The following SUMO2 variants were observed in gnomAD, a reference collection of about 807,000 sequenced individuals.
The protein encoded by SUMO2 is small ubiquitin like modifier 2.
In SUMO2, 1 loss-of-function variant was observed where a neutral mutation model predicts 16.0. That is an observed-to-expected ratio of 0.06 (90% CI 0.02 to 0.30). SUMO2 has a LOEUF of 0.30. Among genes scored for constraint, SUMO2 ranks in the 10% least tolerant of loss-of-function variants. The pLI, the probability that SUMO2 is intolerant of heterozygous loss-of-function variation, is 1.00. For missense variants in SUMO2, 16 were observed against 117.5 expected (o/e 0.14, Z 3.99); for synonymous variants, 36 against 40.6 (o/e 0.89, Z 0.43).
At chr17:75,171,458 G>A (rs965728917) in intron 3 of SUMO2, among the ~76,000 whole-genome samples, 4 of 151,834 alleles carry the variant, frequency 2.6e-5, no homozygotes, top group African/African-American at 7.3e-5. Context: ...AGGTTGCAGT[G>A]AGCTGAGATC....
At chr17:75,176,809 T>C (rs1388919781) in intron 2 of SUMO2, among the ~76,000 whole-genome samples, 1 of 152,188 alleles carries the variant, frequency 6.6e-6, no homozygotes, top group African/African-American at 2.4e-5. Flanking sequence ...TTACACAGTC[T>C]ATCCCTTGCA....
At chr17:75,179,485 A>C (rs2074809739) in intron 2 of SUMO2, among the ~76,000 whole-genome samples, 1 of 149,666 alleles carries the variant, frequency 6.7e-6, no homozygotes, top group African/African-American at 2.5e-5. Flanking sequence ...TCGAGATTGC[A>C]CTACTGCACT....
intron 3 of SUMO2, among the ~76,000 whole-genome samples, chr17:75,173,297 G>C (rs942595291): frequency 1.3e-5 from 2 of 151,866 alleles, no homozygotes; most frequent in Non-Finnish European, 2.9e-5. Context: ...CAAGAAGCTG[G>C]GACTACAGAC....
chr17:75,171,509 G>A (rs1351335398), intron 3 of SUMO2, among the ~76,000 whole-genome samples: 3 of 151,346 alleles, frequency 2.0e-5, no homozygotes, highest in Admixed American at 6.6e-5. Flanking sequence ...GCAAAACTCC[G>A]TCTCGAAAAA....
At chr17:75,180,416 A>AAC (rs1555655477) in intron 2 of SUMO2, among the ~76,000 whole-genome samples, 3 of 146,554 alleles carry the variant, frequency 2.0e-5, no homozygotes, top group Non-Finnish European at 3.0e-5. Context: ...AAAAAAAAAA[A>AAC]AAAAACGACT....
rs1041825003 is a variant in SUMO2 at position 75,167,944 on chromosome 17, G to T, written c.*395C>A. On this transcript the variant is annotated 3_prime_UTR_variant, in exon 4 of 4. Coordinates refer to ENST00000420826, the MANE Select transcript of SUMO2 (RefSeq NM_006937.4). ...TTCTCCAATTGAACAAGGTATGCAA[G>T]GATTTTTATGTTGTTGTTTTTTTTT... 1.2e-5 allele frequency: 2 copies of T among 161,356 alleles called. No individual in the cohort carries two copies. The highest frequency in any genetic ancestry group is 4.8e-5 in the African/African-American group (2 of 41,542). The allele number at this position is 161,356 out of a possible 1,614,324, so 10.0% of individuals were successfully genotyped here.
chr17:75,178,887 G>A (rs548181624), intron 2 of SUMO2, among the ~76,000 whole-genome samples: 53 of 150,716 alleles, frequency 3.5e-4, no homozygotes, highest in Admixed American at 2.3e-3. Context: ...ACTGGAAGGC[G>A]GAGGATGCAG....
chr17:75,174,513 CAG>C (rs776163680), intron 3 of SUMO2, among the ~76,000 whole-genome samples: 17 of 152,274 alleles, frequency 1.1e-4, no homozygotes, highest in Middle Eastern at 3.4e-3. Context: ...ACCCGGGCAA[CAG>C]AGAGGCCCTG....
chr17:75,167,120 C>G lies in SUMO2; in HGVS notation c.*1219G>C, dbSNP rs1403305076. ...ATCACCTAAGGTCAGGAGTTCGAGA[C>G]CAGCCTGGCATACGTGATAAAACCC... On this transcript the variant is annotated 3_prime_UTR_variant, in exon 4 of 4. Coordinates refer to ENST00000420826, the MANE Select transcript of SUMO2 (RefSeq NM_006937.4). 2 of 147,460 alleles carry G rather than the reference C, an allele frequency of 1.4e-5. No homozygotes were observed. Among genetic ancestry groups the G allele is most frequent in the Non-Finnish European group, 3.0e-5 (2 of 67,198 alleles). 9.1% of individuals were successfully genotyped at this position (147,460 alleles called of 1,614,324 possible). A position where few individuals can be genotyped will look rare whatever the true frequency, so the allele number is the denominator to read the frequency against.
chr17:75,174,517 G>C (rs189432066), intron 3 of SUMO2, among the ~76,000 whole-genome samples: 136 of 152,274 alleles, frequency 8.9e-4, no homozygotes, highest in Non-Finnish European at 1.6e-3. Flanking sequence ...GGGCAACAGA[G>C]AGGCCCTGTC....
intron 2 of SUMO2, among the ~76,000 whole-genome samples, chr17:75,178,839 C>T (rs2145225124): frequency 6.6e-6 from 1 of 152,052 alleles, no homozygotes; most frequent in African/African-American, 2.4e-5. Context: ...CCTGTAATCC[C>T]AGTGACTTGG....
chr17:75,182,650 G>C (rs2074838775), intron 1 of SUMO2, 164 bp downstream of exon 1: 2 of 450,780 alleles, frequency 4.4e-6, no homozygotes, highest in East Asian at 4.7e-5. Context: ...GGGAGGAAGA[G>C]AGGGAGGGAG....
At chr17:75,170,837 G>T (rs1395844944) in intron 3 of SUMO2, among the ~76,000 whole-genome samples, 1 of 141,188 alleles carries the variant, frequency 7.1e-6, no homozygotes. Flanking sequence ...GTGACAGTGC[G>T]AGACTCCAGG....
Position 75,177,988 on chromosome 17 carries a change from C to CAAAAAAAAAA in SUMO2, c.153+3059_153+3068dup, listed in dbSNP as rs59613076. Among the ~76,000 whole-genome samples the CAAAAAAAAAA allele has an allele frequency of 4.1e-3, 273 of 66,400 alleles. 22 individuals are homozygous for CAAAAAAAAAA. The highest frequency in any genetic ancestry group is 0.018 in the African/African-American group (260 of 14,786). The allele number at this position is 66,400 out of a possible 152,430, so 43.6% of individuals were successfully genotyped here. ...TGACCGACAAAGCGAGACTCCGTCT[C>CAAAAAAAAAA]AAAAAAAAAAAAAAAAAAAAAAAGA... On this transcript the variant is annotated intron_variant, in intron 2 of 3. Coordinates refer to ENST00000420826, the MANE Select transcript of SUMO2 (RefSeq NM_006937.4).
At position 75,167,527 on chromosome 17, in the gene SUMO2, A is replaced by G. The variant is rs545357585; in HGVS notation, c.*812T>C. ...CCAATTTTTCTGCTAGTATACTTGC[A>G]TATTAACATGGGACCTAGAGAAACT... On this transcript the variant is annotated 3_prime_UTR_variant, in exon 4 of 4. Coordinates refer to ENST00000420826, the MANE Select transcript of SUMO2 (RefSeq NM_006937.4). The G allele has an allele frequency of 3.9e-4, 59 of 152,278 alleles. No individual in the cohort carries two copies. Among genetic ancestry groups the G allele is most frequent in the African/African-American group, 1.4e-3 (59 of 41,588 alleles). 9.4% of individuals were successfully genotyped at this position (152,278 alleles called of 1,614,324 possible).
rs533666393 is a variant in SUMO2 at position 75,168,173 on chromosome 17, T to A, written c.*166A>T. 4 of 540,176 alleles carry A rather than the reference T, an allele frequency of 7.4e-6. No homozygotes were observed. In the South Asian group the frequency reaches 1.2e-4, roughly 16 times the overall value. 33.5% of individuals were successfully genotyped at this position (540,176 alleles called of 1,614,324 possible). On this transcript the variant is annotated 3_prime_UTR_variant, in exon 4 of 4. Coordinates refer to ENST00000420826, the MANE Select transcript of SUMO2 (RefSeq NM_006937.4). ...CAATATGCTTGTGCACATATACCAG[T>A]TACTTTATGTACAATAAAGGAATGG...
intron 2 of SUMO2, among the ~76,000 whole-genome samples, chr17:75,180,392 TAAAAAAAAA>T (rs58684188): frequency 4.0e-4 from 18 of 44,874 alleles, no homozygotes; most frequent in South Asian, 3.1e-3. Flanking sequence ...ACTCCCAGCT[TAAAAAAAAA>T]AAAAAAAAAA....
chr17:75,169,500 C>T (rs1363016281), intron 3 of SUMO2, among the ~76,000 whole-genome samples: 1 of 151,432 alleles, frequency 6.6e-6, no homozygotes, highest in Non-Finnish European at 1.5e-5. Context: ...TCTCCTGCCT[C>T]AGCCTCCCGA....
Position 75,171,608 on chromosome 17 carries a change from A to C in SUMO2, c.225+3144T>G, listed in dbSNP as rs1470198389. Among the ~76,000 whole-genome samples, 4 of 152,156 alleles carry C rather than the reference A, an allele frequency of 2.6e-5. 1 individual carries two copies. Among genetic ancestry groups the C allele is most frequent in the African/African-American group, 9.6e-5 (4 of 41,472 alleles). On this transcript the variant is annotated intron_variant, in intron 3 of 3. Coordinates refer to ENST00000420826, the MANE Select transcript of SUMO2 (RefSeq NM_006937.4). Reference sequence around the variant, plus strand: ...CCTGCTATCTAACAAATATTGGGAGAATAATTCTAAAACGAATCAATTCCA... The same window carrying C: ...CCTGCTATCTAACAAATATTGGGAGCATAATTCTAAAACGAATCAATTCCA...
Sources: allele counts gnomAD v4.1 joint callset (sites outside exome capture counted in the v4.1 genomes callset), GRCh38; gene constraint gnomAD v4.1.1; transcripts MANE v1.5; gene names NCBI Gene and HGNC (gene_info 2026-07-23, HGNC 2026-07-21).